Variants in COL7A1 observed in about 807,000 individuals in gnomAD.
COL7A1 encodes collagen alpha-1(VII) chain.
In COL7A1, 296 loss-of-function variants were observed where a neutral mutation model predicts 456.2. The observed-to-expected ratio is 0.65, with a 90% CI of 0.59 to 0.71. COL7A1 has a LOEUF of 0.71. COL7A1 is among the 30% of genes least tolerant of loss of function. The pLI is 0.00. For synonymous variants in COL7A1, 1,464 were observed against 1,525.9 expected (o/e 0.96, Z 0.95); for missense variants, 3,441 against 4,017.2 (o/e 0.86, Z 3.88).
At position 48,572,518 on chromosome 3, in the gene COL7A1, T is replaced by A. The variant is rs780472824; in HGVS notation, c.6921A>T (p.Gly2307=). The A allele has an allele frequency of 6.2e-7, 1 of 1,613,134 alleles. No homozygotes were observed. Among genetic ancestry groups the A allele is most frequent in the South Asian group, 1.1e-5 (1 of 91,060 alleles). ...APGQAVVGLP[G]AKGEKGAPGG... ...ACACACTCACCTTCTCTCCCTTTGC[T>A]CCAGGGAGCCCGACCACAGCCTGTG... Residue 2307 remains glycine, a synonymous_variant, in exon 89 of 119, where the codon GGA becomes GGT. Transcript: ENST00000681320. This position sits in a 1 kb window ranked among gnomAD's most constrained non-coding sequence, Gnocchi z 4.6.
rs1668377432 is a variant in COL7A1 at position 48,587,861 on chromosome 3, T to C, written c.2789A>G (p.Tyr930Cys). ...HLDGLEPATQ[Y>C]RVRLSVLGPA... is the part of the protein sequence containing the mutation. ...CCCTAGGACACTCAGCCTCACGCGG[T>C]ACTGTGTCGCTGGCTCCAGCCCGTC... is the stretch of plus-strand genomic sequence containing the variant. Residue 930 changes from tyrosine to cysteine, a missense_variant, in exon 22 of 119, where the codon TAC becomes TGC. Physicochemically the swap from Tyr to Cys is radical, Grantham distance 194. Around this residue, in one of 3 missense-constraint regions of COL7A1, gnomAD observed 444 missense variants for 427.6 expected, o/e 1.04. Coordinates refer to ENST00000681320, the MANE Select transcript of COL7A1 (RefSeq NM_000094.4). This position sits in a 1 kb window ranked among gnomAD's most constrained non-coding sequence, Gnocchi z 6.1. 6.2e-7 allele frequency: 1 copy of C among 1,613,048 alleles called. No homozygotes were observed. Among genetic ancestry groups the C allele is most frequent in the Non-Finnish European group, 8.5e-7 (1 of 1,179,822 alleles).
Position 48,570,658 on chromosome 3 carries a change from G to T in COL7A1, c.7325C>A (p.Pro2442His). The T allele has an allele frequency of 6.3e-7, 1 of 1,597,354 alleles. No homozygotes were observed. The highest frequency in any genetic ancestry group is 8.5e-7 in the Non-Finnish European group (1 of 1,171,094). Residue 2442 changes from proline to histidine, a missense_variant, in exon 96 of 119, where the codon CCT becomes CAT. Physicochemically the swap from Pro to His is moderately conservative, Grantham distance 77. Around this residue, in one of 3 missense-constraint regions of COL7A1, gnomAD observed 2,084 missense variants for 2,501.3 expected, o/e 0.83. Transcript: ENST00000681320. This position sits in a 1 kb window ranked among gnomAD's most constrained non-coding sequence, Gnocchi z 5.5. Reference protein sequence around the residue: ...REGIPGPLGPPGPPGSVGPPG... With the variant: ...REGIPGPLGPHGPPGSVGPPG... ...ACTCACCACTGACCCCGGTGGTCCA[G>T]GTGGCCCCAGGGGTCCTGGGATTCC...
At chr3:48,577,650 T>C (rs543017146) in intron 65 of COL7A1, among the ~76,000 whole-genome samples, 1 of 152,354 alleles carries the variant, frequency 6.6e-6, no homozygotes, top group East Asian at 1.9e-4. Context: ...GGTCCATGTC[T>C]TAGCACATGA....
In COL7A1 at chr3:48,571,872, GC is replaced by G; in HGVS notation, c.7068+128del. ...TGGCTCCCTGTGATCCAGAGAGCAG[GC>G]TCCTGGATGTTGGGACATGCAGCCC... On this transcript the variant is annotated intron_variant, in intron 92 of 118. Transcript: ENST00000681320. This position sits in a 1 kb window ranked among gnomAD's most constrained non-coding sequence, Gnocchi z 4.6. 1 of 1,121,738 alleles carries G rather than the reference GC, an allele frequency of 8.9e-7. No individual in the cohort carries two copies. The highest frequency in any genetic ancestry group is 2.6e-5 in the East Asian group (1 of 38,868). 69.5% of individuals were successfully genotyped at this position (1,121,738 alleles called of 1,614,324 possible). A position where few individuals can be genotyped will look rare whatever the true frequency, so the allele number is the denominator to read the frequency against.
Position 48,573,176 on chromosome 3 carries a change from C to T in COL7A1, c.6712G>A (p.Val2238Met), listed in dbSNP as rs2044053567. 3.1e-6 allele frequency: 5 copies of T among 1,614,094 alleles called. No homozygotes were observed. Among genetic ancestry groups the T allele is most frequent in the Non-Finnish European group, 4.2e-6 (5 of 1,179,976 alleles). ...LPGPPGPSGL[V>M]GPQGSPGLPG... Reference sequence around the variant, plus strand: ...AGGGGCCACAGGGACTCACTCACCACAAGGCCTGAAGGGCCGGGGGGTCCA... The same window carrying T: ...AGGGGCCACAGGGACTCACTCACCATAAGGCCTGAAGGGCCGGGGGGTCCA... The change falls in exon 85 of 119, where the codon GTG (valine) becomes ATG (methionine). Residue 2238 changes from valine to methionine, a missense_variant and splice_region_variant. Val to Met is a conservative substitution (Grantham distance 21, BLOSUM62 1). Around this residue, in one of 3 missense-constraint regions of COL7A1, gnomAD observed 2,084 missense variants for 2,501.3 expected, o/e 0.83. Coordinates refer to ENST00000681320, the MANE Select transcript of COL7A1 (RefSeq NM_000094.4). This position sits in a 1 kb window ranked among gnomAD's most constrained non-coding sequence, Gnocchi z 5.5.
chr3:48,569,896 C>G lies in COL7A1; in HGVS notation c.7505G>C (p.Gly2502Ala). The G allele has an allele frequency of 6.2e-7, 1 of 1,614,134 alleles. No individual in the cohort carries two copies. Among genetic ancestry groups the G allele is most frequent in the Non-Finnish European group, 8.5e-7 (1 of 1,180,000 alleles). ...RGLTGPPGSR[G>A]ERGEKGDVGS... ...CGTTCCTACCTTCTCCCCACGCTCT[C>G]CCCTGCTGCCAGGGGGCCCCTGTGT... Residue 2502 changes from glycine (G) to alanine (A), a missense_variant, in exon 100 of 119, where the codon GGA (glycine) becomes GCA (alanine). Coordinates refer to ENST00000681320, the MANE Select transcript of COL7A1 (RefSeq NM_000094.4). This position sits in a 1 kb window ranked among gnomAD's most constrained non-coding sequence, Gnocchi z 4.9.
chr3:48,567,555 C>T lies in COL7A1; in HGVS notation c.8046+19G>A. The T allele has an allele frequency of 6.2e-7, 1 of 1,614,204 alleles. No homozygotes were observed. The highest frequency in any genetic ancestry group is 8.5e-7 in the Non-Finnish European group (1 of 1,180,026). On this transcript the variant is annotated intron_variant, in intron 109 of 118. Transcript: ENST00000681320. This position sits in a 1 kb window ranked among gnomAD's most constrained non-coding sequence, Gnocchi z 4.3. ...CCATCCTGACTCCCTGTCATGTCCA[C>T]TGTCCACAGACCCTGTACCTTGGGA...
chr3:48,571,261 T>C lies in COL7A1; in HGVS notation c.7086A>G (p.Pro2362=), dbSNP rs1231565516. The C allele has an allele frequency of 1.2e-6, 2 of 1,614,070 alleles. No individual in the cohort carries two copies. Among genetic ancestry groups the C allele is most frequent in the Non-Finnish European group, 1.7e-6 (2 of 1,180,042 alleles). The stretch of plus-strand genomic sequence containing the variant: ...CACATACCTTGAAACCTTTGGGTCC[T>C]GGAGCCCCTTTCTGACCCTAAGAAA... ...DPGEDGQKGA[P]GPKGFKGDPG... The change falls in exon 93 of 119, where the codon CCA becomes CCG. Residue 2362 remains proline, a synonymous_variant. Transcript: ENST00000681320. This position sits in a 1 kb window ranked among gnomAD's most constrained non-coding sequence, Gnocchi z 4.6.
At position 48,580,416 on chromosome 3, in the gene COL7A1, G is replaced by T; in HGVS notation, c.5053-72C>A. ...GGGAGAGCTTTGGAAGCACCATGAG[G>T]ACTCATGGGAATGTTGGTAGCCTTC... is the stretch of plus-strand genomic sequence containing the variant. On this transcript the variant is annotated intron_variant, in intron 55 of 118. Transcript: ENST00000681320. This position sits in a 1 kb window ranked among gnomAD's most constrained non-coding sequence, Gnocchi z 4.5. 2 of 1,540,496 alleles carry T rather than the reference G, an allele frequency of 1.3e-6. No homozygotes were observed. Among genetic ancestry groups the T allele is most frequent in the Non-Finnish European group, 1.8e-6 (2 of 1,124,316 alleles).
chr3:48,588,676 G>A lies in COL7A1; in HGVS notation c.2553C>T (p.Arg851=), dbSNP rs577279100. 41 of 1,613,708 alleles carry A rather than the reference G, an allele frequency of 2.5e-5. No homozygotes were observed. Among genetic ancestry groups the A allele is most frequent in the Admixed American group, 5.0e-5 (3 of 60,010 alleles). Residue 851 remains arginine (R), a synonymous_variant, in exon 20 of 119, where the codon CGC becomes CGT. Coordinates refer to ENST00000681320, the MANE Select transcript of COL7A1 (RefSeq NM_000094.4). The surrounding 1 kb of genome is among the most constrained non-coding windows in gnomAD (Gnocchi z 4.6). ...CAACAATGGAGACAGGTGTGCCCTC[G>A]CGGTCCCCGACAAGTGCAGTCACTC... The part of the protein sequence containing the change: ...SVRVTALVGD[R]EGTPVSIVVT...
At chr3:48,584,709 C>A (rs751443456) in intron 35 of COL7A1, 25 bp downstream of exon 35, 5 of 1,613,928 alleles carry the variant, frequency 3.1e-6, no homozygotes, top group Non-Finnish European at 4.2e-6. Flanking sequence ...GACATCCCGG[C>A]CGCCTCCCTT....
chr3:48,570,676 G>T lies in COL7A1; in HGVS notation c.7307C>A (p.Pro2436Gln). 6.3e-7 allele frequency: 1 copy of T among 1,591,036 alleles called. No homozygotes were observed. Among genetic ancestry groups the T allele is most frequent in the East Asian group, 2.3e-5 (1 of 43,770 alleles). ...LAGPPGREGIPGPLGPPGPPG... is the reference protein window; with the variant it reads ...LAGPPGREGIQGPLGPPGPPG... ...TGGTCCAGGTGGCCCCAGGGGTCCT[G>T]GGATTCCTTCTCTCCCTGGGGGGCC... Residue 2436 changes from proline to glutamine, a missense_variant, in exon 96 of 119, where the codon CCA becomes CAA. By Grantham distance (76) the Pro-to-Gln change is moderately conservative. Around this residue, in one of 3 missense-constraint regions of COL7A1, gnomAD observed 2,084 missense variants for 2,501.3 expected, o/e 0.83. Transcript: ENST00000681320. The surrounding 1 kb of genome is among the most constrained non-coding windows in gnomAD (Gnocchi z 5.5).
In COL7A1 at chr3:48,571,539, G is replaced by A. The variant is rs202077823; in HGVS notation, c.7069-261C>T. ...ACAGGCACAGGGAGCCCACACGCGAGTGCAGACATCTGGCTCCACAGACGT... is the reference window on the plus strand; with the variant it reads ...ACAGGCACAGGGAGCCCACACGCGAATGCAGACATCTGGCTCCACAGACGT... On this transcript the variant is annotated intron_variant, in intron 92 of 118. Transcript: ENST00000681320. The surrounding 1 kb of genome is among the most constrained non-coding windows in gnomAD (Gnocchi z 4.6). The A allele has an allele frequency of 1.1e-5, 8 of 698,082 alleles. No homozygotes were observed. The South Asian group carries it at 1.2e-4, about 10-fold the overall frequency. 43.2% of individuals were successfully genotyped at this position (698,082 alleles called of 1,614,324 possible).
chr3:48,568,286 GCCA>G lies in COL7A1; in HGVS notation c.7795-119_7795-117del. On this transcript the variant is annotated intron_variant, in intron 105 of 118. Transcript: ENST00000681320. This position sits in a 1 kb window ranked among gnomAD's most constrained non-coding sequence, Gnocchi z 5.2. ...GTGGGAGTCACCTCTGGAGGCCAGA[GCCA>G]CTGGGGCTTGCCATGGGGACAAGGG... The G allele has an allele frequency of 8.0e-7, 1 of 1,246,374 alleles. No homozygotes were observed. Among genetic ancestry groups the G allele is most frequent in the Non-Finnish European group, 1.2e-6 (1 of 862,162 alleles). 77.2% of individuals were successfully genotyped at this position (1,246,374 alleles called of 1,614,324 possible). A position where few individuals can be genotyped will look rare whatever the true frequency, so the allele number is the denominator to read the frequency against.
At position 48,588,241 on chromosome 3, in the gene COL7A1, C is replaced by T. The variant is rs1240015493; in HGVS notation, c.2710+41G>A. The T allele has an allele frequency of 5.6e-6, 9 of 1,612,544 alleles. No individual in the cohort carries two copies. Among genetic ancestry groups the T allele is most frequent in the South Asian group, 1.1e-5 (1 of 91,078 alleles). On this transcript the variant is annotated intron_variant, in intron 21 of 118. Transcript: ENST00000681320. This position sits in a 1 kb window ranked among gnomAD's most constrained non-coding sequence, Gnocchi z 4.6. ...CCTTGCGGAGTCTGCCACAGCCCTG[C>T]CCCCAATGGTCCCTAACTTCCTCCT...
In COL7A1 at chr3:48,588,453, G is replaced by A. The variant is rs1271250006; in HGVS notation, c.2588-49C>T. Reference sequence around the variant, plus strand: ...GGGAGGCTCTGCCCCCATGGCCCCTGCACCAATCCCAGGCCCACCCTGGCA... The same window carrying A: ...GGGAGGCTCTGCCCCCATGGCCCCTACACCAATCCCAGGCCCACCCTGGCA... On this transcript the variant is annotated intron_variant, in intron 20 of 118. Coordinates refer to ENST00000681320, the MANE Select transcript of COL7A1 (RefSeq NM_000094.4). The surrounding 1 kb of genome is among the most constrained non-coding windows in gnomAD (Gnocchi z 4.6). 2 of 1,599,224 alleles carry A rather than the reference G, an allele frequency of 1.3e-6. No homozygotes were observed. The highest frequency in any genetic ancestry group is 8.5e-7 in the Non-Finnish European group (1 of 1,177,954).
At position 48,590,733 on chromosome 3, in the gene COL7A1, G is replaced by A. The variant is rs200762860; in HGVS notation, c.1720C>T (p.Arg574Trp). 4.5e-5 allele frequency: 73 copies of A among 1,613,840 alleles called. No individual in the cohort carries two copies. The highest frequency in any genetic ancestry group is 1.6e-4 in the Middle Eastern group (1 of 6,084). Residue 574 changes from arginine (R) to tryptophan (W), a missense_variant, in exon 14 of 119, where the codon CGG becomes TGG. Around this residue, in one of 3 missense-constraint regions of COL7A1, gnomAD observed 913 missense variants for 1,088.2 expected, o/e 0.84. Coordinates refer to ENST00000681320, the MANE Select transcript of COL7A1 (RefSeq NM_000094.4). The surrounding 1 kb of genome is among the most constrained non-coding windows in gnomAD (Gnocchi z 4.6). ...DVQAGLSYTVRVSARVGPREG... is the reference protein window; with the variant it reads ...DVQAGLSYTVWVSARVGPREG... ...CGGGGACCCACTCGAGCAGACACCC[G>A]CACAGTGTAGCTAAGCCCAGCCTGA...
chr3:48,581,225 T>C lies in COL7A1; in HGVS notation c.4899+35A>G. The C allele has an allele frequency of 1.2e-6, 2 of 1,607,484 alleles. No individual in the cohort carries two copies. The highest frequency in any genetic ancestry group is 1.7e-6 in the Non-Finnish European group (2 of 1,176,848). On this transcript the variant is annotated intron_variant, in intron 52 of 118. Coordinates refer to ENST00000681320, the MANE Select transcript of COL7A1 (RefSeq NM_000094.4). The surrounding 1 kb of genome is among the most constrained non-coding windows in gnomAD (Gnocchi z 5.8). ...GATGCTGGCAACAGCCCTACTCCCTTACCCGCCATGACTCCCCCGACTCCA... is the reference window on the plus strand; with the variant it reads ...GATGCTGGCAACAGCCCTACTCCCTCACCCGCCATGACTCCCCCGACTCCA...
In COL7A1 at chr3:48,564,673, C is replaced by T. The variant is rs2043524241; in HGVS notation, c.8818+110G>A. On this transcript the variant is annotated intron_variant, in intron 118 of 118. Coordinates refer to ENST00000681320, the MANE Select transcript of COL7A1 (RefSeq NM_000094.4). The surrounding 1 kb of genome is among the most constrained non-coding windows in gnomAD (Gnocchi z 6.0). ...CCCCAGGTCCCCTACTGCGAGGGAGCGTCTCCTCCAGGACCCTGACCTGGA... is the reference window on the plus strand; with the variant it reads ...CCCCAGGTCCCCTACTGCGAGGGAGTGTCTCCTCCAGGACCCTGACCTGGA... 8 of 1,276,878 alleles carry T rather than the reference C, an allele frequency of 6.3e-6. No individual in the cohort carries two copies. Among genetic ancestry groups the T allele is most frequent in the South Asian group, 2.8e-5 (2 of 70,420 alleles). 79.1% of individuals were successfully genotyped at this position (1,276,878 alleles called of 1,614,324 possible).
Sources: gnomAD v4.1 joint callset for allele counts (sites outside exome capture counted in the v4.1 genomes callset) on GRCh38, gnomAD v4.1.1 for gene constraint, gnomAD v4.1.1 regional missense constraint, Gnocchi (gnomAD v3.1) non-coding constraint, MANE v1.5 for transcripts, NCBI Gene and HGNC (gene_info 2026-07-23, HGNC 2026-07-21) for gene names.